The following SHD variants were observed in gnomAD, a reference collection of about 807,000 sequenced individuals.
The protein encoded by SHD is Src homology 2 domain containing transforming protein D, also known as SH2 domain-containing adapter protein D.
In SHD, 29 loss-of-function variants were observed where a neutral mutation model predicts 31.2. The ratio of observed to expected loss-of-function variants is 0.93; its 90% CI spans 0.69 to 1.27. SHD has a LOEUF of 1.27. SHD is among the 50% of genes most tolerant of loss of function. SHD has a pLI of 0.00. For missense variants in SHD, 520 were observed against 453.8 expected, an observed-to-expected ratio of 1.15 and a Z score of -1.33; for synonymous variants, 208 against 187.8, an observed-to-expected ratio of 1.11 and a Z score of -0.88.
chr19:4,284,866 G>A lies in SHD; in HGVS notation c.678G>A (p.Ala226=), dbSNP rs1971293013. ...RRPPPRSPQP[A]ERVDPALPLE... Reference sequence around the variant, plus strand: ...CTCCGCCCAGAAGCCCCCAGCCTGCGGAGCGTGTGGACCCAGCCCTGCCCC... The same window carrying A: ...CTCCGCCCAGAAGCCCCCAGCCTGCAGAGCGTGTGGACCCAGCCCTGCCCC... Residue 226 remains alanine, a synonymous_variant, in exon 4 of 6, where the codon GCG becomes GCA. Coordinates refer to ENST00000543264, the MANE Select transcript of SHD (RefSeq NM_020209.4). 1.2e-6 allele frequency: 2 copies of A among 1,612,118 alleles called. No homozygotes were observed. The highest frequency in any genetic ancestry group is 2.7e-5 in the African/African-American group (2 of 75,012).
At chr19:4,287,933 C>T (rs1971337587) in intron 4 of SHD, among the ~76,000 whole-genome samples, 1 of 151,658 alleles carries the variant, frequency 6.6e-6, no homozygotes, top group African/African-American at 2.4e-5. Context: ...GAGACAGAGT[C>T]TCACTCTGTT....
chr19:4,289,103 ATT>A (rs71166980), intron 5 of SHD, among the ~76,000 whole-genome samples: 3,589 of 77,334 alleles, frequency 0.046, 83 homozygotes, highest in African/African-American at 0.14. Flanking sequence ...TGCCCAGCTA[ATT>A]TTTTTTTTTT....
rs779327797 is a variant in SHD at position 4,284,994 on chromosome 19, T to A, written c.716+90T>A. 384 of 1,339,096 alleles carry A rather than the reference T, an allele frequency of 2.9e-4. 1 individual carries two copies. The highest frequency in any genetic ancestry group is 3.3e-4 in the Non-Finnish European group (338 of 1,027,688). 83.0% of individuals were successfully genotyped at this position (1,339,096 alleles called of 1,614,324 possible). ...GCAGAAGTTTTTTCGTTTCCCAGATTAGAGGAACTGGGGGAACTTCGATTC... is the reference window on the plus strand; with the variant it reads ...GCAGAAGTTTTTTCGTTTCCCAGATAAGAGGAACTGGGGGAACTTCGATTC... On this transcript the variant is annotated intron_variant, in intron 4 of 5. Coordinates refer to ENST00000543264, the MANE Select transcript of SHD (RefSeq NM_020209.4).
chr19:4,286,276 T>C (rs55905066), intron 4 of SHD, among the ~76,000 whole-genome samples: 7,636 of 100,716 alleles, frequency 0.076, 431 homozygotes, highest in Admixed American at 0.11. Context: ...TCTTTCTTTC[T>C]TTCTTTTTTT....
chr19:4,280,277 G>C lies in SHD; in HGVS notation c.214G>C (p.Gly72Arg). ...CAAGAACCCCGGAGATGCCAAGTAT[G>C]GTTCTCCCAAGCACCGGCTCATCAA... ...DSKNPGDAKY[G>R]SPKHRLIKVE... The change falls in exon 1 of 6, where the codon GGT (glycine) becomes CGT (arginine). Residue 72 changes from glycine to arginine, a missense_variant. Physicochemically the swap from Gly to Arg is moderately radical, Grantham distance 125. Transcript: ENST00000543264. 6.2e-7 allele frequency: 1 copy of C among 1,613,054 alleles called. No homozygotes were observed. The highest frequency in any genetic ancestry group is 8.5e-7 in the Non-Finnish European group (1 of 1,179,660).
chr19:4,281,633 C>A (rs1971257959), intron 1 of SHD, among the ~76,000 whole-genome samples: 1 of 151,892 alleles, frequency 6.6e-6, no homozygotes, highest in Non-Finnish European at 1.5e-5. Flanking sequence ...TGGCGTGCGC[C>A]TATAATCCCA....
chr19:4,285,604 C>T (rs1182288617), intron 4 of SHD, among the ~76,000 whole-genome samples: 1 of 151,248 alleles, frequency 6.6e-6, no homozygotes, highest in Non-Finnish European at 1.5e-5. Context: ...GGCTGGAGTG[C>T]AGTGACGCGA....
In SHD at chr19:4,288,236, T is replaced by C. The variant is rs1971340406; in HGVS notation, c.717-7T>C. ...CCCTTGATGAGACATCTGTCCATAC[T>C]CGCTAGGTGGTTTCATGGCCCCCTG... is the stretch of plus-strand genomic sequence containing the variant. On this transcript the variant is annotated splice_region_variant and splice_polypyrimidine_tract_variant and intron_variant, in intron 4 of 5. Transcript: ENST00000543264. 6 of 1,612,762 alleles carry C rather than the reference T, an allele frequency of 3.7e-6. No homozygotes were observed. The highest frequency in any genetic ancestry group is 5.1e-6 in the Non-Finnish European group (6 of 1,179,406).
intron 3 of SHD, 44 bp from the exon 4 acceptor site, chr19:4,284,737 G>T (rs749813552): frequency 1.9e-5 from 28 of 1,475,752 alleles, no homozygotes; most frequent in Non-Finnish European, 1.5e-5. Context: ...CGCCCCCCAA[G>T]GTAGGCTGGA....
Position 4,286,265 on chromosome 19 carries a change from T to C in SHD, c.716+1361T>C, listed in dbSNP as rs543351310. On this transcript the variant is annotated intron_variant, in intron 4 of 5. Transcript: ENST00000543264. Reference sequence around the variant, plus strand: ...TTTCTTTCTTTCTTTCTTTCTCTCTTTCTTTCTTTCTTTCTTTTTTTCTTT... The same window carrying C: ...TTTCTTTCTTTCTTTCTTTCTCTCTCTCTTTCTTTCTTTCTTTTTTTCTTT... Among the ~76,000 whole-genome samples the C allele has an allele frequency of 9.0e-3, 992 of 110,218 alleles. 22 individuals are homozygous for C. Among genetic ancestry groups the C allele is most frequent in the African/African-American group, 0.029 (923 of 31,912 alleles). 72.3% of individuals were successfully genotyped at this position (110,218 alleles called of 152,430 possible).
At chr19:4,289,258 C>T (rs1347935723) in intron 5 of SHD, among the ~76,000 whole-genome samples, 3 of 150,770 alleles carry the variant, frequency 2.0e-5, no homozygotes, top group African/African-American at 7.3e-5. Flanking sequence ...CTACAGGCGC[C>T]CACCACCACG....
chr19:4,282,419 C>A (rs1183755180), intron 1 of SHD, among the ~76,000 whole-genome samples: 1 of 151,806 alleles, frequency 6.6e-6, no homozygotes, highest in African/African-American at 2.4e-5. Context: ...GACTCCATCT[C>A]AAAATAAATA....
At chr19:4,283,374 T>C in intron 3 of SHD, 132 bp downstream of exon 3, 1 of 958,816 alleles carries the variant, frequency 1.0e-6, no homozygotes, top group Non-Finnish European at 1.5e-6. Flanking sequence ...TAATTCTCAC[T>C]AGAGTGTGAA....
Position 4,290,546 on chromosome 19 carries a change from C to G in SHD, c.936C>G (p.Leu312=). The G allele has an allele frequency of 1.2e-6, 2 of 1,613,690 alleles. No homozygotes were observed. Among genetic ancestry groups the G allele is most frequent in the Non-Finnish European group, 1.7e-6 (2 of 1,180,012 alleles). The change falls in exon 6 of 6, where the codon CTC becomes CTG. Residue 312 remains leucine (L), a synonymous_variant. Transcript: ENST00000543264. ...HSGPFPSVPE[L]VLHYSSRPLP... is the part of the protein sequence containing the mutation. ...GGCCCTTCCCCAGCGTGCCCGAGCT[C>G]GTCCTCCACTACAGTTCACGCCCAC...
chr19:4,282,832 T>C (rs1971269838), intron 1 of SHD, 38 bp from the exon 2 acceptor site: 2 of 1,597,766 alleles, frequency 1.3e-6, no homozygotes, highest in Admixed American at 1.7e-5. Context: ...GGGAAGCCCC[T>C]CTGAGTCCTT....
chr19:4,282,713 C>A (rs1971268766), intron 1 of SHD, among the ~76,000 whole-genome samples, 157 bp from the exon 2 acceptor site: 1 of 151,698 alleles, frequency 6.6e-6, no homozygotes, highest in Non-Finnish European at 1.5e-5. Context: ...GAGACTCCAT[C>A]TCAAAAAATA....
chr19:4,280,059 C>T lies in SHD; in HGVS notation c.-5C>T, dbSNP rs775759176. 3.4e-5 allele frequency: 54 copies of T among 1,593,096 alleles called. No individual in the cohort carries two copies. Among genetic ancestry groups the T allele is most frequent in the Non-Finnish European group, 3.5e-5 (41 of 1,170,870 alleles). On this transcript the variant is annotated 5_prime_UTR_variant, in exon 1 of 6. Transcript: ENST00000543264. Reference sequence around the variant, plus strand: ...AGTGGCCCGATTGGGGTGACAGGCGCCCAAATGGCCAAGTGGCTACGGGAC... The same window carrying T: ...AGTGGCCCGATTGGGGTGACAGGCGTCCAAATGGCCAAGTGGCTACGGGAC...
Position 4,284,822 on chromosome 19 carries a change from G to A in SHD, c.634G>A (p.Ala212Thr), listed in dbSNP as rs1373191050. The A allele has an allele frequency of 6.2e-7, 1 of 1,613,134 alleles. No homozygotes were observed. The highest frequency in any genetic ancestry group is 8.5e-7 in the Non-Finnish European group (1 of 1,179,526). Residue 212 changes from alanine (A) to threonine (T), a missense_variant, in exon 4 of 6, where the codon GCC becomes ACC. Physicochemically the swap from Ala to Thr is moderately conservative, Grantham distance 58. Transcript: ENST00000543264. The stretch of plus-strand genomic sequence containing the variant: ...AGAGTGGGAGAGGACTCCAGGCTCA[G>A]CCAAGGAGCTCCGGAGACCTCCGCC... Reference protein sequence around the residue: ...SPEWERTPGSAKELRRPPPRS... With the variant: ...SPEWERTPGSTKELRRPPPRS...
At chr19:4,285,854 CCTTCT>C (rs981783537) in intron 4 of SHD, among the ~76,000 whole-genome samples, 61 of 148,044 alleles carry the variant, frequency 4.1e-4, no homozygotes, top group Admixed American at 2.1e-3. Context: ...GGCCCTTCCT[CCTTCT>C]CTTCTCTTCT....
Sources: gnomAD v4.1 joint callset for allele counts (sites outside exome capture counted in the v4.1 genomes callset) on GRCh38, gnomAD v4.1.1 for gene constraint, MANE v1.5 for transcripts, NCBI Gene and HGNC (gene_info 2026-07-23, HGNC 2026-07-21) for gene names.